TTLL5: variants seen among roughly 807,000 people sequenced by gnomAD.
TTLL5 encodes the protein tubulin tyrosine ligase like 5.
In TTLL5, 132 loss-of-function variants were observed where a neutral mutation model predicts 168.4. The ratio of observed to expected loss-of-function variants is 0.78; its 90% CI spans 0.68 to 0.91. TTLL5 has a LOEUF of 0.91. Ranked by LOEUF, TTLL5 falls within the 40% of genes least tolerant of loss-of-function variation. The pLI, the probability that TTLL5 is intolerant of heterozygous loss-of-function variation, is 0.00. For missense variants in TTLL5, 1,545 were observed against 1,581.5 expected (o/e 0.98, Z 0.39); for synonymous variants, 546 against 558.6 (o/e 0.98, Z 0.32).
chr14:75,661,415 T>TA (rs1202447766), intron 1 of TTLL5, 28 bp downstream of exon 1: 1 of 152,372 alleles, frequency 6.6e-6, no homozygotes, highest in Non-Finnish European at 1.5e-5. Context: ...CGCGCTTCCC[T>TA]ACCCTAGGGA....
chr14:75,686,641 C>T (rs570059224), intron 5 of TTLL5, among the ~76,000 whole-genome samples: 1 of 152,280 alleles, frequency 6.6e-6, no homozygotes, highest in South Asian at 2.1e-4. Flanking sequence ...ATTAAGATAA[C>T]ATCTCAGAAA....
intron 6 of TTLL5, among the ~76,000 whole-genome samples, chr14:75,696,499 GA>G (rs1488895624): frequency 3.3e-5 from 5 of 151,976 alleles, no homozygotes; most frequent in African/African-American, 7.2e-5. Context: ...ATGGCAAAGT[GA>G]AAAAAATATA....
At chr14:75,693,381 C>T (rs1885596350) in intron 6 of TTLL5, among the ~76,000 whole-genome samples, 2 of 152,158 alleles carry the variant, frequency 1.3e-5, no homozygotes, top group Non-Finnish European at 2.9e-5. Flanking sequence ...ACTAGAGACA[C>T]CAGCCAAGGT....
At chr14:75,781,957 C>CAAAAA (rs11350842) in intron 24 of TTLL5, among the ~76,000 whole-genome samples, 1 of 69,470 alleles carries the variant, frequency 1.4e-5, no homozygotes, top group Non-Finnish European at 2.9e-5. Flanking sequence ...AAACTTTGTT[C>CAAAAA]AAAAAAAAAA....
At chr14:75,844,681 C>T (rs545825662) in intron 28 of TTLL5, among the ~76,000 whole-genome samples, 31 of 152,232 alleles carry the variant, frequency 2.0e-4, no homozygotes, top group African/African-American at 7.5e-4. Context: ...TTTAGAAAGC[C>T]CTCACACTAA....
At chr14:75,702,099 C>G (rs540408898) in intron 7 of TTLL5, among the ~76,000 whole-genome samples, 1 of 152,334 alleles carries the variant, frequency 6.6e-6, no homozygotes, top group East Asian at 1.9e-4. Flanking sequence ...AAAACAGTAC[C>G]GTAAACAATG....
chr14:75,749,723 T>C (rs1889833845), intron 17 of TTLL5, among the ~76,000 whole-genome samples: 1 of 152,156 alleles, frequency 6.6e-6, no homozygotes, highest in African/African-American at 2.4e-5. Context: ...AGAGGCTCAA[T>C]TAATATTAAT....
At chr14:75,876,586 T>C (rs545380466) in intron 29 of TTLL5, among the ~76,000 whole-genome samples, 3 of 152,204 alleles carry the variant, frequency 2.0e-5, no homozygotes, top group Admixed American at 1.3e-4. Flanking sequence ...GTGTGCTTGG[T>C]CTCTCTATAT....
At chr14:75,708,073 G>C (rs1172065596) in intron 9 of TTLL5, among the ~76,000 whole-genome samples, 1 of 152,180 alleles carries the variant, frequency 6.6e-6, no homozygotes, top group Non-Finnish European at 1.5e-5. Context: ...GATGTAGAAA[G>C]AAAAATAAAA....
chr14:75,807,552 T>A (rs2140381907), intron 27 of TTLL5, among the ~76,000 whole-genome samples: 1 of 152,370 alleles, frequency 6.6e-6, no homozygotes, highest in African/African-American at 2.4e-5. Context: ...TTATATGCAT[T>A]ATCTCTTTAA....
At chr14:75,662,758 G>A (rs562019005) in intron 1 of TTLL5, among the ~76,000 whole-genome samples, 201 of 152,222 alleles carry the variant, frequency 1.3e-3, no homozygotes, top group African/African-American at 4.6e-3. Flanking sequence ...TGAAAGTGAG[G>A]AGTCTATCCT....
At chr14:75,854,161 A>G (rs1311057712) in intron 28 of TTLL5, among the ~76,000 whole-genome samples, 2 of 152,150 alleles carry the variant, frequency 1.3e-5, no homozygotes, top group African/African-American at 4.8e-5. Context: ...TTTCCATCAC[A>G]CTTCAAAATT....
chr14:75,861,230 T>C (rs970986050), intron 28 of TTLL5, among the ~76,000 whole-genome samples: 1 of 152,140 alleles, frequency 6.6e-6, no homozygotes, highest in African/African-American at 2.4e-5. Context: ...GGATGTGACA[T>C]ATCAGAGGTG....
chr14:75,732,937 A>G (rs1014588057), intron 13 of TTLL5, among the ~76,000 whole-genome samples: 3 of 152,252 alleles, frequency 2.0e-5, no homozygotes, highest in African/African-American at 7.2e-5. Context: ...TTTAGAAGAA[A>G]AGAAACATAT....
At position 75,840,134 on chromosome 14, in the gene TTLL5, T is replaced by A. The variant is rs1014262346; in HGVS notation, c.3326+19973T>A. On this transcript the variant is annotated intron_variant, in intron 28 of 31. Coordinates refer to ENST00000298832, the MANE Select transcript of TTLL5 (RefSeq NM_015072.5). ...TGCCTTTGGTGTCACATCCAAGAAATCATTGCCAAATCCAGTGTCATACAG... is the reference window on the plus strand; with the variant it reads ...TGCCTTTGGTGTCACATCCAAGAAAACATTGCCAAATCCAGTGTCATACAG... Among the ~76,000 whole-genome samples, 7 of 152,098 alleles carry A rather than the reference T, an allele frequency of 4.6e-5. No homozygotes were observed. In the East Asian group the frequency reaches 1.4e-3, roughly 29 times the overall value.
intron 27 of TTLL5, among the ~76,000 whole-genome samples, chr14:75,795,137 TCTC>T (rs1439097099): frequency 1.3e-5 from 2 of 152,044 alleles, no homozygotes; most frequent in African/African-American, 4.8e-5. Flanking sequence ...ACTCTACTGT[TCTC>T]CTGCCACTGA....
intron 6 of TTLL5, among the ~76,000 whole-genome samples, chr14:75,695,023 T>C (rs975790754): frequency 1.3e-5 from 2 of 152,200 alleles, no homozygotes; most frequent in Non-Finnish European, 2.9e-5. Context: ...GTGATGTTCA[T>C]GGAACAAGGG....
intron 21 of TTLL5, among the ~76,000 whole-genome samples, chr14:75,774,417 C>A (rs1891589737): frequency 6.6e-6 from 1 of 152,192 alleles, no homozygotes; most frequent in East Asian, 1.9e-4. Flanking sequence ...TATTACCTTT[C>A]AAACTACTGT....
intron 30 of TTLL5, among the ~76,000 whole-genome samples, chr14:75,895,975 G>A (rs562225791): frequency 1.2e-3 from 187 of 152,212 alleles, no homozygotes; most frequent in African/African-American, 4.4e-3. Context: ...AAAGAGAAAA[G>A]GGCCTACTCA....
Sources: allele counts gnomAD v4.1 joint callset (sites outside exome capture counted in the v4.1 genomes callset), GRCh38; gene constraint gnomAD v4.1.1; transcripts MANE v1.5; gene names NCBI Gene and HGNC (gene_info 2026-07-23, HGNC 2026-07-21).